Variants in SPATA17 observed in about 807,000 individuals in gnomAD.
SPATA17 encodes spermatogenesis associated 17.
SPATA17 carries 53 observed loss-of-function variants against 62.2 expected under a neutral mutation model. The observed-to-expected ratio is 0.85, with a 90% CI of 0.68 to 1.07. SPATA17 has a LOEUF of 1.07. Ranked by LOEUF, SPATA17 falls within the 50% of genes least tolerant of loss-of-function variation. The pLI is 0.00. For synonymous variants in SPATA17, 146 were observed against 146.8 expected (o/e 0.99, Z 0.04); for missense variants, 466 against 425.5 (o/e 1.10, Z -0.84).
chr1:217,700,853 G>A (rs767701804), intron 5 of SPATA17, among the ~76,000 whole-genome samples: 9 of 147,290 alleles, frequency 6.1e-5, no homozygotes, highest in Non-Finnish European at 1.2e-4. Flanking sequence ...TGATCCACCC[G>A]CCTCAGTCTC....
intron 4 of SPATA17, 35 bp downstream of exon 4, chr1:217,669,118 G>T (rs777479726): frequency 6.3e-7 from 1 of 1,579,894 alleles, no homozygotes; most frequent in South Asian, 1.1e-5. Flanking sequence ...CAAATGAAAA[G>T]TCAATTGTGC....
chr1:217,786,570 T>C (rs1176023074), intron 8 of SPATA17, among the ~76,000 whole-genome samples: 1 of 152,100 alleles, frequency 6.6e-6, no homozygotes, highest in Non-Finnish European at 1.5e-5. Flanking sequence ...CTATAGGTAA[T>C]GGAAAATTAT....
intron 4 of SPATA17, among the ~76,000 whole-genome samples, chr1:217,680,654 G>A (rs893767911): frequency 3.9e-5 from 6 of 152,120 alleles, no homozygotes; most frequent in East Asian, 1.9e-4. Flanking sequence ...GCTGGGTGTG[G>A]TGGCTCACAC....
At chr1:217,773,187 G>T (rs1673497417) in intron 6 of SPATA17, among the ~76,000 whole-genome samples, 1 of 152,132 alleles carries the variant, frequency 6.6e-6, no homozygotes, top group Non-Finnish European at 1.5e-5. Context: ...TTCGAAGACA[G>T]CTATCTTAGT....
At chr1:217,815,948 A>G (rs929580090) in intron 9 of SPATA17, among the ~76,000 whole-genome samples, 1 of 152,142 alleles carries the variant, frequency 6.6e-6, no homozygotes, top group African/African-American at 2.4e-5. Context: ...GAGTGATTGC[A>G]TAGTATTAAT....
At chr1:217,713,127 G>C (rs1241412176) in intron 5 of SPATA17, among the ~76,000 whole-genome samples, 1 of 152,192 alleles carries the variant, frequency 6.6e-6, no homozygotes, top group South Asian at 2.1e-4. Context: ...CTCGGTCACA[G>C]TGTAGGGCAG....
chr1:217,792,580 C>T (rs1674022210), intron 8 of SPATA17, among the ~76,000 whole-genome samples: 1 of 152,138 alleles, frequency 6.6e-6, no homozygotes, highest in African/African-American at 2.4e-5. Flanking sequence ...GCTCTAGAAC[C>T]CACAGCTACT....
intron 9 of SPATA17, among the ~76,000 whole-genome samples, chr1:217,810,399 G>A (rs534918132): frequency 2.0e-5 from 3 of 152,090 alleles, no homozygotes; most frequent in South Asian, 2.1e-4. Flanking sequence ...CAAGGCAGGC[G>A]GATCACAGAG....
chr1:217,838,187 C>A (rs1346281467), intron 9 of SPATA17, among the ~76,000 whole-genome samples: 1 of 151,986 alleles, frequency 6.6e-6, no homozygotes, highest in Non-Finnish European at 1.5e-5. Context: ...TCATTTGCGG[C>A]CCACATAGTA....
At chr1:217,649,485 A>G (rs1670259531) in intron 2 of SPATA17, among the ~76,000 whole-genome samples, 1 of 152,238 alleles carries the variant, frequency 6.6e-6, no homozygotes, top group Non-Finnish European at 1.5e-5. Context: ...CCTCAAAAAA[A>G]TAAAATAAAA....
At chr1:217,816,517 T>G (rs1217344944) in intron 9 of SPATA17, among the ~76,000 whole-genome samples, 2 of 151,776 alleles carry the variant, frequency 1.3e-5, no homozygotes, top group Non-Finnish European at 2.9e-5. Context: ...ATTTAAAAAC[T>G]TTCTGGTCAT....
intron 3 of SPATA17, among the ~76,000 whole-genome samples, chr1:217,665,875 G>A (rs1670682866): frequency 6.6e-6 from 1 of 152,052 alleles, no homozygotes; most frequent in African/African-American, 2.4e-5. Context: ...ATTGAGCTAG[G>A]TAATATGACA....
intron 2 of SPATA17, 63 bp from the exon 3 acceptor site, chr1:217,651,034 C>T (rs1160117589): frequency 3.1e-6 from 4 of 1,285,686 alleles, no homozygotes; most frequent in Non-Finnish European, 4.4e-6. Flanking sequence ...AGTATTTTAA[C>T]AAAGATTTAA....
intron 3 of SPATA17, among the ~76,000 whole-genome samples, chr1:217,653,356 A>T (rs1670366579): frequency 6.6e-6 from 1 of 152,202 alleles, no homozygotes; most frequent in African/African-American, 2.4e-5. Flanking sequence ...TTCAGGGTTT[A>T]AGTGTAGATA....
intron 7 of SPATA17, chr1:217,781,420 T>G (rs1673723610): frequency 6.6e-6 from 1 of 152,174 alleles, no homozygotes; most frequent in Admixed American, 6.5e-5. Context: ...TTGAGCTGCC[T>G]TTGATTTGTA....
At chr1:217,728,295 T>C (rs779904787) in intron 5 of SPATA17, among the ~76,000 whole-genome samples, 13 of 152,298 alleles carry the variant, frequency 8.5e-5, no homozygotes, top group Middle Eastern at 6.8e-3. Flanking sequence ...ACTTATGGTA[T>C]ACCAAGCATG....
chr1:217,687,190 C>A (rs952185555), intron 5 of SPATA17, among the ~76,000 whole-genome samples: 1 of 151,990 alleles, frequency 6.6e-6, no homozygotes, highest in Admixed American at 6.6e-5. Flanking sequence ...ATTTAGTCTA[C>A]GATTCGTTTC....
chr1:217,865,200 A>G (rs1675983114), intron 10 of SPATA17, among the ~76,000 whole-genome samples: 1 of 152,202 alleles, frequency 6.6e-6, no homozygotes, highest in South Asian at 2.1e-4. Flanking sequence ...ACTGTTGAAT[A>G]AAGATGCCAT....
intron 6 of SPATA17, among the ~76,000 whole-genome samples, chr1:217,754,835 C>T (rs772456702): frequency 2.0e-5 from 3 of 152,042 alleles, no homozygotes; most frequent in Non-Finnish European, 4.4e-5. Context: ...TCATGAAATA[C>T]AATATGCCCT....
Sources: gnomAD v4.1 joint callset for allele counts (sites outside exome capture counted in the v4.1 genomes callset) on GRCh38, gnomAD v4.1.1 for gene constraint, MANE v1.5 for transcripts, NCBI Gene and HGNC (gene_info 2026-07-23, HGNC 2026-07-21) for gene names.